ZCCHC7: variants seen among roughly 807,000 people sequenced by gnomAD.
The protein encoded by ZCCHC7 is zinc finger CCHC-type containing 7, also known as zinc finger CCHC domain-containing protein 7.
ZCCHC7 carries 35 observed loss-of-function variants against 52.0 expected under a neutral mutation model. The observed-to-expected ratio is 0.67, with a 90% confidence interval of 0.51 to 0.89. The LOEUF (loss-of-function observed/expected upper bound fraction) is 0.89. Among genes scored for constraint, ZCCHC7 ranks in the 40% least tolerant of loss-of-function variants. ZCCHC7 has a pLI of 0.00. For missense variants in ZCCHC7, 574 were observed against 649.1 expected (o/e 0.88, Z 1.26); for synonymous variants, 217 against 221.5 (o/e 0.98, Z 0.18).
At chr9:37,193,353 G>T (rs1362672099) in intron 2 of ZCCHC7, among the ~76,000 whole-genome samples, 3 of 151,984 alleles carry the variant, frequency 2.0e-5, no homozygotes, top group African/African-American at 7.2e-5. Context: ...ATCAGACATT[G>T]GAATAAAATT....
intron 6 of ZCCHC7, among the ~76,000 whole-genome samples, chr9:37,338,259 T>C (rs1379617653): frequency 2.6e-5 from 4 of 152,184 alleles, no homozygotes; most frequent in African/African-American, 9.7e-5. Context: ...CTCGTGCTTC[T>C]TTTTAGTTTT....
Position 37,356,870 on chromosome 9 carries a change from A to G in ZCCHC7, c.1234A>G (p.Lys412Glu). 6.2e-7 allele frequency: 1 copy of G among 1,608,214 alleles called. No homozygotes were observed. Among genetic ancestry groups the G allele is most frequent in the Non-Finnish European group, 8.5e-7 (1 of 1,178,568 alleles). Residue 412 changes from lysine to glutamate, a missense_variant, in exon 9 of 9, where the codon AAG becomes GAG. Around this residue, in one of 3 missense-constraint regions of ZCCHC7, gnomAD observed 168 missense variants for 171.6 expected, o/e 0.98. Coordinates refer to ENST00000336755, the MANE Select transcript of ZCCHC7 (RefSeq NM_032226.3). ...KKNGVIPEPS[K>E]LPYIKAANEN... ...AAATGGGGTTATCCCAGAGCCATCC[A>G]AGCTACCTTATATAAAAGCAGCAAA... is the stretch of plus-strand genomic sequence containing the variant.
At position 37,357,163 on chromosome 9, in the gene ZCCHC7, T is replaced by C; in HGVS notation, c.1527T>C (p.Ser509=). 1 of 1,612,874 alleles carries C rather than the reference T, an allele frequency of 6.2e-7. No individual in the cohort carries two copies. The highest frequency in any genetic ancestry group is 8.5e-7 in the Non-Finnish European group (1 of 1,179,780). ...ACCACACGTCAAGAGAAGACAAGTCTCCCAAGGAAGGCAAGAGGGGCAAGC... is the reference window on the plus strand; with the variant it reads ...ACCACACGTCAAGAGAAGACAAGTCCCCCAAGGAAGGCAAGAGGGGCAAGC... ...SHYHTSREDK[S]PKEGKRGKQK... is the part of the protein sequence containing the mutation. The change falls in exon 9 of 9, where the codon TCT becomes TCC. Residue 509 remains serine, a synonymous_variant. Transcript: ENST00000336755.
rs2133361490 is a variant in ZCCHC7 at position 37,242,319 on chromosome 9, T to C, written c.611-59869T>C. ...GTTCAAAGGAAATTGAGTTTTTCTCTAGCATCTAAGGTAAATGGAAATGTA... is the reference window on the plus strand; with the variant it reads ...GTTCAAAGGAAATTGAGTTTTTCTCCAGCATCTAAGGTAAATGGAAATGTA... On this transcript the variant is annotated intron_variant, in intron 2 of 8. Coordinates refer to ENST00000336755, the MANE Select transcript of ZCCHC7 (RefSeq NM_032226.3). Among the ~76,000 whole-genome samples the C allele has an allele frequency of 2.0e-5, 3 of 151,948 alleles. No homozygotes were observed. In the South Asian group the frequency reaches 6.2e-4, roughly 31 times the overall value.
At chr9:37,149,327 T>C (rs1216715603) in intron 2 of ZCCHC7, among the ~76,000 whole-genome samples, 2 of 152,178 alleles carry the variant, frequency 1.3e-5, no homozygotes, top group African/African-American at 4.8e-5. Flanking sequence ...TTCATCACGA[T>C]AGATTTAAGA....
chr9:37,289,081 G>A (rs183307100), intron 2 of ZCCHC7, among the ~76,000 whole-genome samples: 1 of 151,734 alleles, frequency 6.6e-6, no homozygotes, highest in Admixed American at 6.6e-5. Flanking sequence ...TTTTTTAGTT[G>A]CAGTAATTAT....
At chr9:37,315,250 T>G (rs1164044903) in intron 5 of ZCCHC7, among the ~76,000 whole-genome samples, 1 of 152,110 alleles carries the variant, frequency 6.6e-6, no homozygotes, top group Non-Finnish European at 1.5e-5. Flanking sequence ...CTTTTCCTCA[T>G]CAGACTGGGA....
intron 2 of ZCCHC7, among the ~76,000 whole-genome samples, chr9:37,151,515 CT>C (rs776787261): frequency 4.6e-5 from 7 of 151,992 alleles, no homozygotes; most frequent in Non-Finnish European, 1.0e-4. Context: ...GTAACAAATT[CT>C]TTTTCTGGCT....
rs7027054 is a variant in ZCCHC7, at chr9:37,308,297, T to G, written c.951+2583T>G. ...TCTGCATTAAGTTGTCAATTATAAT[T>G]TTCTTAGCAAGATTTTCTAGTTTGG... On this transcript the variant is annotated intron_variant, in intron 5 of 8. Coordinates refer to ENST00000336755, the MANE Select transcript of ZCCHC7 (RefSeq NM_032226.3). 5.7e-3 allele frequency among the ~76,000 whole-genome samples: 861 copies of G among 152,270 alleles called. 7 individuals are homozygous for G. Among genetic ancestry groups the G allele is most frequent in the African/African-American group, 0.019 (798 of 41,564 alleles).
At chr9:37,236,988 C>G (rs570379285) in intron 2 of ZCCHC7, among the ~76,000 whole-genome samples, 9 of 152,208 alleles carry the variant, frequency 5.9e-5, no homozygotes, top group South Asian at 2.1e-4. Context: ...AGAAGTTTCC[C>G]GTAGGTCCTA....
At chr9:37,220,096 T>TA (rs1358908053) in intron 2 of ZCCHC7, among the ~76,000 whole-genome samples, 4 of 152,340 alleles carry the variant, frequency 2.6e-5, no homozygotes, top group Non-Finnish European at 2.9e-5. Context: ...TAATGAAACA[T>TA]ACGTACAAGT....
intron 2 of ZCCHC7, among the ~76,000 whole-genome samples, chr9:37,184,448 G>C (rs1038775356): frequency 6.6e-6 from 1 of 150,708 alleles, no homozygotes; most frequent in African/African-American, 2.4e-5. Context: ...GAGAGCAAGA[G>C]GTGCTCTATG....
At chr9:37,317,563 T>C (rs547937906) in intron 5 of ZCCHC7, among the ~76,000 whole-genome samples, 10 of 152,082 alleles carry the variant, frequency 6.6e-5, no homozygotes, top group South Asian at 4.2e-4. Flanking sequence ...GACAGAAAAA[T>C]ATAAATAGAG....
chr9:37,289,815 A>G (rs1828447944), intron 2 of ZCCHC7, among the ~76,000 whole-genome samples: 1 of 152,196 alleles, frequency 6.6e-6, no homozygotes, highest in Admixed American at 6.5e-5. Context: ...CACTCTAGCC[A>G]TACTGGCCTG....
In ZCCHC7 at chr9:37,156,136, A is replaced by G. The variant is rs868011341; in HGVS notation, c.610+29194A>G. ...TTGGGATCAGATAGGTTTCATTCTT[A>G]GATTTCTTGATAGATTTCTTTGGTT... On this transcript the variant is annotated intron_variant, in intron 2 of 8. Transcript: ENST00000336755. Among the ~76,000 whole-genome samples, 26 of 152,202 alleles carry G rather than the reference A, an allele frequency of 1.7e-4. 1 individual carries two copies. The highest frequency in any genetic ancestry group is 6.5e-5 in the Admixed American group (1 of 15,284).
At chr9:37,168,189 A>G (rs1449608636) in intron 2 of ZCCHC7, among the ~76,000 whole-genome samples, 1 of 152,200 alleles carries the variant, frequency 6.6e-6, no homozygotes, top group African/African-American at 2.4e-5. Context: ...CAGTGCTAGA[A>G]TTCACCTAGA....
chr9:37,205,173 A>T (rs542430281), intron 2 of ZCCHC7: 8 of 355,790 alleles, frequency 2.2e-5, no homozygotes, highest in African/African-American at 1.7e-4. Context: ...CTTGCCCTTA[A>T]CTGGTTTGTT....
chr9:37,312,647 G>C (rs533328245), intron 5 of ZCCHC7, among the ~76,000 whole-genome samples: 10 of 152,366 alleles, frequency 6.6e-5, no homozygotes, highest in Admixed American at 4.6e-4. Context: ...GCTGGGCGCA[G>C]TGGCTCATGC....
intron 2 of ZCCHC7, among the ~76,000 whole-genome samples, chr9:37,170,884 T>C (rs10973239): frequency 0.56 from 85,057 of 151,874 alleles, 24,374 homozygotes; most frequent in African/African-American, 0.68. Context: ...TTTGAGGCCT[T>C]ATCTATAGGG....
Sources: allele counts gnomAD v4.1 joint callset (sites outside exome capture counted in the v4.1 genomes callset), GRCh38; gene constraint gnomAD v4.1.1; regional missense constraint gnomAD v4.1.1; transcripts MANE v1.5; gene names NCBI Gene and HGNC (gene_info 2026-07-23, HGNC 2026-07-21).